The following IPO11 variants were observed in gnomAD, a reference collection of about 807,000 sequenced individuals.
IPO11 encodes the protein importin 11.
Under a neutral mutation model 143.2 loss-of-function variants are expected in IPO11, and 66 were observed. The observed-to-expected ratio is 0.46, with a 90% confidence interval of 0.38 to 0.57. The LOEUF is 0.57. Among genes scored for constraint, IPO11 ranks in the 20% least tolerant of loss-of-function variants. The pLI, the probability that IPO11 is intolerant of heterozygous loss-of-function variation, is 0.00. For synonymous variants in IPO11, 385 were observed against 377.8 expected, an observed-to-expected ratio of 1.02 and a Z score of -0.22; for missense variants, 1,026 against 1,141.0, an observed-to-expected ratio of 0.90 and a Z score of 1.45.
intron 23 of IPO11, 117 bp downstream of exon 23, chr5:62,536,898 G>T (rs1742753666): frequency 2.7e-6 from 3 of 1,109,350 alleles, no homozygotes. Flanking sequence ...TTAAGACAGA[G>T]AAACATTGAC....
At position 62,493,256 on chromosome 5, in the gene IPO11, G is replaced by A. The variant is rs115514380; in HGVS notation, c.1464-742G>A. Among the ~76,000 whole-genome samples, 672 of 152,170 alleles carry A rather than the reference G, an allele frequency of 4.4e-3. 7 individuals carry two copies. Among genetic ancestry groups the A allele is most frequent in the African/African-American group, 0.016 (648 of 41,522 alleles). The stretch of plus-strand genomic sequence containing the variant: ...GCCTAGAAGTTTCTTACATTGTTCT[G>A]AAAATAATCTTCATAGTATTAACAG... On this transcript the variant is annotated intron_variant, in intron 15 of 29. Coordinates refer to ENST00000325324, the MANE Select transcript of IPO11 (RefSeq NM_016338.5).
intron 26 of IPO11, 23 bp from the exon 27 acceptor site, chr5:62,561,113 G>A: frequency 6.3e-7 from 1 of 1,585,668 alleles, no homozygotes; most frequent in Non-Finnish European, 8.6e-7. Flanking sequence ...GGTATTTTGA[G>A]ATGCCTCCTC....
intron 8 of IPO11, among the ~76,000 whole-genome samples, chr5:62,476,281 G>A (rs533421167): frequency 3.3e-5 from 5 of 152,094 alleles, no homozygotes; most frequent in East Asian, 1.9e-4. Flanking sequence ...AAAAAAAATC[G>A]CCAGGGAAAT....
chr5:62,458,107 A>G (rs1019312279), intron 5 of IPO11, among the ~76,000 whole-genome samples: 17 of 147,234 alleles, frequency 1.2e-4, no homozygotes, highest in Admixed American at 6.8e-5. Context: ...AGATCGCGCC[A>G]CTGCACTCCA....
chr5:62,442,135 C>T (rs751990865), intron 2 of IPO11, among the ~76,000 whole-genome samples: 2 of 152,130 alleles, frequency 1.3e-5, no homozygotes, highest in Non-Finnish European at 2.9e-5. Flanking sequence ...TGAGCTACCG[C>T]GCCCAGCTTT....
At chr5:62,414,525 T>A (rs1743223999) in intron 1 of IPO11, among the ~76,000 whole-genome samples, 1 of 152,188 alleles carries the variant, frequency 6.6e-6, no homozygotes, top group African/African-American at 2.4e-5. Flanking sequence ...CAAAACACAT[T>A]TAGTGCTGGT....
intron 2 of IPO11, among the ~76,000 whole-genome samples, chr5:62,442,664 G>A (rs1363384094): frequency 6.6e-6 from 1 of 152,036 alleles, no homozygotes; most frequent in Non-Finnish European, 1.5e-5. Flanking sequence ...GTCGAGACCA[G>A]CCTGGCCAGC....
At position 62,590,685 on chromosome 5, in the gene IPO11, C is replaced by T. The variant is rs184234518; in HGVS notation, c.2583-892C>T. Among the ~76,000 whole-genome samples, 1,361 of 152,122 alleles carry T rather than the reference C, an allele frequency of 8.9e-3. 11 individuals carry two copies. Among genetic ancestry groups the T allele is most frequent in the Non-Finnish European group, 0.014 (941 of 67,988 alleles). The stretch of plus-strand genomic sequence containing the variant: ...AAATTTTGTCTGTGTTACTGCCTGC[C>T]TGTTTTCCTTCTTGGACGTTATAAA... On this transcript the variant is annotated intron_variant, in intron 27 of 29. Transcript: ENST00000325324.
rs1212120894 is a variant in IPO11, at chr5:62,579,675, A to G, written c.2583-11902A>G. 3 of 1,547,002 alleles carry G rather than the reference A, an allele frequency of 1.9e-6. No individual in the cohort carries two copies. In the African/African-American group the frequency reaches 4.1e-5, roughly 21 times the overall value. ...ATATATCTTATATAAATGAAAGTGA[A>G]TTAACAGGACTTCATTCTCTTGTAG... On this transcript the variant is annotated intron_variant, in intron 27 of 29. Transcript: ENST00000325324.
At chr5:62,452,231 C>T (rs775549874) in intron 5 of IPO11, among the ~76,000 whole-genome samples, 10 of 150,590 alleles carry the variant, frequency 6.6e-5, no homozygotes, top group South Asian at 2.1e-4. Context: ...GGCGACAGGG[C>T]GAGACTCCGT....
intron 1 of IPO11, among the ~76,000 whole-genome samples, chr5:62,427,537 G>A (rs1743802221): frequency 6.6e-6 from 1 of 152,210 alleles, no homozygotes; most frequent in Non-Finnish European, 1.5e-5. Context: ...TGCAGGAGGT[G>A]AGCAGTGGGT....
intron 1 of IPO11, among the ~76,000 whole-genome samples, chr5:62,430,585 A>G (rs1396915241): frequency 6.6e-6 from 1 of 151,796 alleles, no homozygotes; most frequent in Non-Finnish European, 1.5e-5. Flanking sequence ...GCCTCCCAAC[A>G]TGCTGGGATT....
intron 8 of IPO11, among the ~76,000 whole-genome samples, chr5:62,476,161 A>C (rs1172020793): frequency 1.3e-5 from 2 of 152,202 alleles, no homozygotes; most frequent in Non-Finnish European, 2.9e-5. Flanking sequence ...CAGAAGGAAG[A>C]ATAAAAGCCC....
At position 62,435,114 on chromosome 5, in the gene IPO11, A is replaced by ATATATGTATATG. The variant is rs1561308819; in HGVS notation, c.-6-2157_-6-2156insATGTATATGTAT. ...TATGTATATATGTATATATATGTAT[A>ATATATGTATATG]TATGTATATATGTATATATATGTAT... On this transcript the variant is annotated intron_variant, in intron 1 of 29. Transcript: ENST00000325324. Among the ~76,000 whole-genome samples the ATATATGTATATG allele has an allele frequency of 2.3e-3, 232 of 102,240 alleles. 6 individuals carry two copies. Among genetic ancestry groups the ATATATGTATATG allele is most frequent in the East Asian group, 3.7e-3 (12 of 3,212 alleles). 67.1% of individuals were successfully genotyped at this position (102,240 alleles called of 152,430 possible).
chr5:62,566,627 A>C (rs1743948188), intron 27 of IPO11, among the ~76,000 whole-genome samples: 1 of 150,864 alleles, frequency 6.6e-6, no homozygotes, highest in African/African-American at 2.4e-5. Context: ...AATCCTAGCT[A>C]CTCCGGAGGC....
At chr5:62,457,231 G>C (rs1384026621) in intron 5 of IPO11, among the ~76,000 whole-genome samples, 1 of 152,182 alleles carries the variant, frequency 6.6e-6, no homozygotes, top group Non-Finnish European at 1.5e-5. Flanking sequence ...ACTCATGCCT[G>C]TAATCCCAGC....
At chr5:62,483,005 A>G in intron 9 of IPO11, 96 bp from the exon 10 acceptor site, 1 of 812,094 alleles carries the variant, frequency 1.2e-6, no homozygotes, top group South Asian at 1.8e-5. Context: ...TCAAACTGCT[A>G]AATGATTATT....
At chr5:62,581,159 A>T in intron 27 of IPO11, 1 of 1,551,170 alleles carries the variant, frequency 6.4e-7, no homozygotes, top group Non-Finnish European at 8.7e-7. Flanking sequence ...AGCTTTTATC[A>T]GTCAGCAAGG....
chr5:62,543,450 T>C (rs987743624), intron 24 of IPO11, among the ~76,000 whole-genome samples: 4 of 152,236 alleles, frequency 2.6e-5, no homozygotes, highest in Non-Finnish European at 5.9e-5. Flanking sequence ...CCATTTCTTC[T>C]AGATTTTCTA....
Sources: gnomAD v4.1 joint callset for allele counts (sites outside exome capture counted in the v4.1 genomes callset) on GRCh38, gnomAD v4.1.1 for gene constraint, MANE v1.5 for transcripts, NCBI Gene and HGNC (gene_info 2026-07-23, HGNC 2026-07-21) for gene names.